Variants in PRKG1 observed in about 807,000 individuals in gnomAD.
PRKG1 encodes protein kinase cGMP-dependent 1.
In PRKG1, 35 loss-of-function variants were observed where a neutral mutation model predicts 88.1. That is an observed-to-expected ratio of 0.40 (90% CI 0.30 to 0.53). The LOEUF is 0.53. PRKG1 is among the 20% of genes least tolerant of loss of function. PRKG1 has a pLI of 0.59. For synonymous variants in PRKG1, 303 were observed against 292.5 expected, an observed-to-expected ratio of 1.04 and a Z score of -0.37; for missense variants, 540 against 839.8, an observed-to-expected ratio of 0.64 and a Z score of 4.41.
intron 3 of PRKG1, among the ~76,000 whole-genome samples, chr10:51,538,215 A>G (rs1564540210): frequency 6.6e-6 from 1 of 152,084 alleles, no homozygotes; most frequent in Admixed American, 6.5e-5. Context: ...AATTTCAACA[A>G]TTGAAGACAA....
intron 2 of PRKG1, among the ~76,000 whole-genome samples, chr10:51,349,428 A>C (rs1211436790): frequency 1.3e-5 from 2 of 151,342 alleles, no homozygotes; most frequent in East Asian, 1.9e-4. Flanking sequence ...GAAGATAAAA[A>C]ATTGTTTACT....
At chr10:51,179,941 T>G (rs1837301516) in intron 2 of PRKG1, among the ~76,000 whole-genome samples, 1 of 152,190 alleles carries the variant, frequency 6.6e-6, no homozygotes, top group East Asian at 1.9e-4. Flanking sequence ...ATGTAAAGTT[T>G]TTAAGGACAT....
chr10:51,208,353 G>A (rs577600192), intron 2 of PRKG1, among the ~76,000 whole-genome samples: 2 of 152,286 alleles, frequency 1.3e-5, no homozygotes, highest in South Asian at 4.1e-4. Context: ...AGTTGAGGAA[G>A]GAACCAGGAT....
At chr10:51,209,998 C>A (rs575424524) in intron 2 of PRKG1, among the ~76,000 whole-genome samples, 1 of 152,118 alleles carries the variant, frequency 6.6e-6, no homozygotes, top group Admixed American at 6.6e-5. Context: ...AACCTCTTCC[C>A]AACCCTTTTT....
intron 9 of PRKG1, among the ~76,000 whole-genome samples, chr10:52,163,239 G>C (rs1267095011): frequency 6.7e-6 from 1 of 150,220 alleles, no homozygotes; most frequent in Non-Finnish European, 1.5e-5. Flanking sequence ...GTGTGTGTGT[G>C]TGTGTGTGTA....
At chr10:52,246,288 A>T (rs993750835) in intron 9 of PRKG1, among the ~76,000 whole-genome samples, 2 of 152,222 alleles carry the variant, frequency 1.3e-5, no homozygotes, top group African/African-American at 4.8e-5. Flanking sequence ...AAATGGAAAT[A>T]TAATAACTAA....
intron 2 of PRKG1, among the ~76,000 whole-genome samples, chr10:51,183,632 A>G (rs1263133996): frequency 6.6e-6 from 1 of 152,212 alleles, no homozygotes; most frequent in East Asian, 1.9e-4. Context: ...AAGCTTCAAC[A>G]TATCAAGATA....
chr10:51,664,871 G>A (rs1027647358), intron 3 of PRKG1, among the ~76,000 whole-genome samples: 1 of 152,086 alleles, frequency 6.6e-6, no homozygotes, highest in Non-Finnish European at 1.5e-5. Flanking sequence ...CTTTTGAGAG[G>A]ATGTCAGTGG....
At chr10:52,279,814 A>G (rs1390597779) in intron 12 of PRKG1, among the ~76,000 whole-genome samples, 4 of 152,078 alleles carry the variant, frequency 2.6e-5, no homozygotes, top group African/African-American at 9.7e-5. Flanking sequence ...TGTTCACACT[A>G]ATATTTTTGA....
intron 5 of PRKG1, among the ~76,000 whole-genome samples, chr10:52,039,191 C>T (rs1055574825): frequency 7.2e-5 from 11 of 151,968 alleles, no homozygotes; most frequent in East Asian, 1.9e-4. Flanking sequence ...CGGGTGCAGG[C>T]GGACTGAGTC....
At chr10:52,019,275 G>A (rs935867231) in intron 5 of PRKG1, among the ~76,000 whole-genome samples, 1 of 152,040 alleles carries the variant, frequency 6.6e-6, no homozygotes, top group African/African-American at 2.4e-5. Context: ...ATTTCACCAC[G>A]AGGTTTGTGA....
At chr10:51,383,851 G>GT (rs1564470647) in intron 2 of PRKG1, among the ~76,000 whole-genome samples, 1 of 152,250 alleles carries the variant, frequency 6.6e-6, no homozygotes, top group East Asian at 1.9e-4. Flanking sequence ...GAATGAGAGC[G>GT]TAATTCTGTG....
intron 2 of PRKG1, among the ~76,000 whole-genome samples, chr10:51,396,033 A>G (rs575449590): frequency 3.3e-5 from 5 of 152,166 alleles, no homozygotes; most frequent in African/African-American, 1.2e-4. Flanking sequence ...TATGTACATA[A>G]CACTTTTATC....
intron 2 of PRKG1, among the ~76,000 whole-genome samples, chr10:51,307,466 T>G (rs1841068474): frequency 6.6e-6 from 1 of 152,174 alleles, no homozygotes; most frequent in African/African-American, 2.4e-5. Context: ...TGACTCTCCT[T>G]TGCTTATTTC....
At chr10:51,156,297 G>GCGCACACACACACACACACA (rs1554841311) in intron 2 of PRKG1, among the ~76,000 whole-genome samples, 24 of 35,134 alleles carry the variant, frequency 6.8e-4, no homozygotes, top group African/African-American at 5.0e-3. Context: ...TTTGATGCAA[G>GCGCACACACACACACACACA]CACACACACA....
intron 7 of PRKG1, among the ~76,000 whole-genome samples, chr10:52,106,733 AATAATAATAATAAT>A (rs1847434462): frequency 6.7e-6 from 1 of 148,204 alleles, no homozygotes; most frequent in African/African-American, 2.5e-5. Context: ...TAATAATAAT[AATAATAATAATAAT>A]AAAGTAAATA....
intron 1 of PRKG1, among the ~76,000 whole-genome samples, chr10:51,132,974 T>C (rs918662875): frequency 6.6e-6 from 1 of 152,092 alleles, no homozygotes; most frequent in Non-Finnish European, 1.5e-5. Flanking sequence ...CTGGCTGAGA[T>C]CTACTAAATC....
At chr10:52,245,313 A>C (rs1840995267) in intron 9 of PRKG1, among the ~76,000 whole-genome samples, 1 of 152,090 alleles carries the variant, frequency 6.6e-6, no homozygotes, top group Non-Finnish European at 1.5e-5. Flanking sequence ...CTGAACATTT[A>C]AGTAAGCTGG....
chr10:51,404,419 G>C (rs923151012), intron 2 of PRKG1, among the ~76,000 whole-genome samples: 4 of 152,190 alleles, frequency 2.6e-5, no homozygotes, highest in African/African-American at 7.2e-5. Flanking sequence ...TTTACTGCCA[G>C]TGTCAGAAAA....
Sources: gnomAD v4.1 joint callset for allele counts (sites outside exome capture counted in the v4.1 genomes callset) on GRCh38, gnomAD v4.1.1 for gene constraint, MANE v1.5 for transcripts, NCBI Gene and HGNC (gene_info 2026-07-23, HGNC 2026-07-21) for gene names.